The following SNX8 variants were observed in gnomAD, a reference collection of about 807,000 sequenced individuals.
The protein encoded by SNX8 is sorting nexin 8, also known as sorting nexin-8.
A neutral mutation model predicts 51.6 loss-of-function variants in SNX8; 25 were observed. The observed-to-expected ratio is 0.48, with a 90% CI of 0.35 to 0.68. The LOEUF is 0.68. Among genes scored for constraint, SNX8 ranks in the 30% least tolerant of loss-of-function variants. The pLI is 0.00. For synonymous variants in SNX8, 324 were observed against 277.0 expected, an observed-to-expected ratio of 1.17 and a Z score of -1.68; for missense variants, 695 against 624.0, an observed-to-expected ratio of 1.11 and a Z score of -1.21.
intron 7 of SNX8, among the ~76,000 whole-genome samples, chr7:2,262,855 CG>C (rs1795370148): frequency 6.6e-6 from 1 of 152,238 alleles, no homozygotes; most frequent in Non-Finnish European, 1.5e-5. Context: ...CAGTGGCTCA[CG>C]CCTGTAATCC....
chr7:2,305,907 CCT>C (rs1796533910), intron 1 of SNX8, among the ~76,000 whole-genome samples: 1 of 152,030 alleles, frequency 6.6e-6, no homozygotes, highest in South Asian at 2.1e-4. Context: ...GTAGTGAGTC[CCT>C]GTCTCTACAA....
chr7:2,264,319 A>G lies in SNX8; in HGVS notation c.761T>C (p.Leu254Pro), dbSNP rs1467796531. Residue 254 changes from leucine to proline, a missense_variant, in exon 6 of 11, where the codon CTC becomes CCC. By Grantham distance (98) the Leu-to-Pro change is moderately conservative. Coordinates refer to ENST00000222990, the MANE Select transcript of SNX8 (RefSeq NM_013321.4). ...CTACCTTAGCTCCTTCCCGAATATG[A>G]GAAGATCTGCCGCATTGTCGATGGC... ...SRAIDNAADL[L>P]IFGKELSAIG... The G allele has an allele frequency of 6.2e-7, 1 of 1,612,238 alleles. No homozygotes were observed. Among genetic ancestry groups the G allele is most frequent in the Non-Finnish European group, 8.5e-7 (1 of 1,179,362 alleles).
In SNX8 at chr7:2,329,085, C is replaced by CA. The variant is rs574333536; in HGVS notation, c.-66+25136dup. On this transcript the variant is annotated intron_variant, in intron 1 of 5. Transcript: ENST00000435336. ...TGGGTGACAGAGTGAGACTCTGTCT[C>CA]AAAAAAAAAAAAACAAAACATACAA... 3.7e-3 allele frequency among the ~76,000 whole-genome samples: 370 copies of CA among 101,088 alleles called. 3 individuals carry two copies. The highest frequency in any genetic ancestry group is 0.029 in the Middle Eastern group (5 of 172). The allele number at this position is 101,088 out of a possible 152,430, so 66.3% of individuals were successfully genotyped here. A position where few individuals can be genotyped will look rare whatever the true frequency, so the allele number is the denominator to read the frequency against.
At chr7:2,268,549 G>A (rs1210916931) in intron 5 of SNX8, among the ~76,000 whole-genome samples, 61 of 135,102 alleles carry the variant, frequency 4.5e-4, no homozygotes, top group Middle Eastern at 4.1e-3. Context: ...GGAGGGAGGT[G>A]GGGGGGTCAG....
rs59890526 is a variant in SNX8 at position 2,351,911 on chromosome 7, T to TG, written c.-66+2310_-66+2311insC. On this transcript the variant is annotated intron_variant, in intron 1 of 5. Transcript: ENST00000435336. ...GTTTTTGTTGTTGTTGTTGGTTTTT[T>TG]TTTTTTTTTTTTTTTGAGATGGATT... Among the ~76,000 whole-genome samples the TG allele has an allele frequency of 3.9e-3, 224 of 57,804 alleles. 6 individuals are homozygous for TG. The East Asian group carries it at 0.077, about 20-fold the overall frequency. The allele number at this position is 57,804 out of a possible 152,430, so 37.9% of individuals were successfully genotyped here.
chr7:2,328,869 A>G (rs1778676215), intron 1 of SNX8, among the ~76,000 whole-genome samples: 1 of 152,002 alleles, frequency 6.6e-6, no homozygotes, highest in Admixed American at 6.6e-5. Flanking sequence ...GTGGATCACA[A>G]GGTCAGGAGA....
intron 1 of SNX8, among the ~76,000 whole-genome samples, chr7:2,335,676 G>A (rs1368487804): frequency 1.3e-5 from 2 of 151,966 alleles, no homozygotes; most frequent in Admixed American, 1.3e-4. Context: ...GGTGGCAGGC[G>A]CCTGTAGTCC....
At chr7:2,272,069 G>T in intron 3 of SNX8, 98 bp from the exon 4 acceptor site, 1 of 1,524,374 alleles carries the variant, frequency 6.6e-7, no homozygotes, top group South Asian at 1.2e-5. Flanking sequence ...AGGTGGCAGA[G>T]GGCCCAGCGG....
chr7:2,284,891 C>T (rs776062470), intron 1 of SNX8, among the ~76,000 whole-genome samples: 44 of 152,092 alleles, frequency 2.9e-4, no homozygotes, highest in Admixed American at 7.9e-4. Flanking sequence ...CATTCTGAGT[C>T]GGCTAATAAA....
chr7:2,301,516 G>A lies in SNX8; in HGVS notation c.94+12812C>T, dbSNP rs77058323. 3.9e-3 allele frequency among the ~76,000 whole-genome samples: 599 copies of A among 152,250 alleles called. 1 individual carries two copies. The highest frequency in any genetic ancestry group is 0.013 in the African/African-American group (556 of 41,548). Reference sequence around the variant, plus strand: ...GCAGAGCAGAACCACCCCCTTACCAGGGCACCCAGAGCAGCAACTTAGAGG... The same window carrying A: ...GCAGAGCAGAACCACCCCCTTACCAAGGCACCCAGAGCAGCAACTTAGAGG... On this transcript the variant is annotated intron_variant, in intron 1 of 10. Coordinates refer to ENST00000222990, the MANE Select transcript of SNX8 (RefSeq NM_013321.4).
chr7:2,299,962 G>A (rs777450112), intron 1 of SNX8, among the ~76,000 whole-genome samples: 2 of 152,156 alleles, frequency 1.3e-5, no homozygotes, highest in Non-Finnish European at 2.9e-5. Flanking sequence ...GCACAGCAAG[G>A]AAGAAGGCGC....
upstream of SNX8, among the ~76,000 whole-genome samples, chr7:2,315,528 C>G (rs1348581383): frequency 6.6e-6 from 1 of 151,258 alleles, no homozygotes; most frequent in Admixed American, 6.6e-5. Flanking sequence ...CCCACTCACT[C>G]ACTGCATCCT....
At chr7:2,280,738 T>G (rs948285379) in intron 1 of SNX8, among the ~76,000 whole-genome samples, 4 of 151,712 alleles carry the variant, frequency 2.6e-5, no homozygotes, top group Non-Finnish European at 5.9e-5. Context: ...ATGTACAAGT[T>G]CCAATCATTA....
chr7:2,258,295 G>A (rs553271080), intron 7 of SNX8, among the ~76,000 whole-genome samples: 2 of 152,070 alleles, frequency 1.3e-5, no homozygotes, highest in Admixed American at 1.3e-4. Context: ...GATTACAGGC[G>A]TGAGCCACCG....
chr7:2,342,841 G>C (rs1475751354), intron 1 of SNX8, among the ~76,000 whole-genome samples: 3 of 150,768 alleles, frequency 2.0e-5, no homozygotes, highest in Admixed American at 6.6e-5. Context: ...TTATTTTTTT[G>C]AGACGGAGTC....
intron 1 of SNX8, among the ~76,000 whole-genome samples, chr7:2,286,291 C>A (rs1796026697): frequency 6.6e-6 from 1 of 151,876 alleles, no homozygotes; most frequent in South Asian, 2.1e-4. Flanking sequence ...GGATTACAGA[C>A]GAGAGCCACC....
At chr7:2,319,447 G>A (rs960860073) in intron 1 of SNX8, among the ~76,000 whole-genome samples, 13 of 150,182 alleles carry the variant, frequency 8.7e-5, no homozygotes, top group Admixed American at 6.6e-4. Flanking sequence ...ATCACCTGAG[G>A]TCAGAAGTTC....
chr7:2,288,660 A>G (rs62442535), intron 1 of SNX8, among the ~76,000 whole-genome samples: 4,655 of 152,160 alleles, frequency 0.031, 101 homozygotes, highest in Non-Finnish European at 0.049. Flanking sequence ...ATCGATGCCC[A>G]CTCAGAACCT....
At chr7:2,340,875 AAAAAAAAAAC>A in intron 1 of SNX8, among the ~76,000 whole-genome samples, 1 of 148,752 alleles carries the variant, frequency 6.7e-6, no homozygotes, top group Non-Finnish European at 1.5e-5. Flanking sequence ...AAAAAAAAAA[AAAAAAAAAAC>A]TCTAAAGCTA....
Sources: allele counts gnomAD v4.1 joint callset (sites outside exome capture counted in the v4.1 genomes callset), GRCh38; gene constraint gnomAD v4.1.1; transcripts MANE v1.5; gene names NCBI Gene and HGNC (gene_info 2026-07-23, HGNC 2026-07-21).